The following TAS2R1 variants were observed in gnomAD, a reference collection of about 807,000 sequenced individuals.
TAS2R1 encodes taste 2 receptor member 1, also known as taste receptor type 2 member 1.
For synonymous variants in TAS2R1, 141 were observed against 134.2 expected, an observed-to-expected ratio of 1.05 and a Z score of -0.35; for missense variants, 370 against 353.4, an observed-to-expected ratio of 1.05 and a Z score of -0.38.
At chr5:9,758,560 C>G in the TAS2R1 span, among the ~76,000 whole-genome samples, 1 of 152,170 alleles carries the variant, frequency 6.6e-6, no homozygotes, top group Non-Finnish European at 1.5e-5. Flanking sequence ...CCATTATTGT[C>G]CACCTATAGA....
At chr5:9,840,882 T>A in the TAS2R1 span, among the ~76,000 whole-genome samples, 16,891 of 86,792 alleles carry the variant, frequency 0.19, 1,564 homozygotes, top group East Asian at 0.42. Flanking sequence ...TTTTTTTTTT[T>A]TTTTTTTTTT....
the TAS2R1 span, among the ~76,000 whole-genome samples, chr5:9,843,980 TTCC>T: frequency 3.3e-5 from 5 of 152,228 alleles, no homozygotes; most frequent in Admixed American, 3.3e-4. Context: ...CCATGTGAAC[TTCC>T]TCAACATGCC....
chr5:9,819,311 C>T, the TAS2R1 span, among the ~76,000 whole-genome samples: 15 of 152,186 alleles, frequency 9.9e-5, no homozygotes, highest in African/African-American at 3.6e-4. Flanking sequence ...AGAGATGAGA[C>T]AATCTCTCAG....
intron 1 of TAS2R1, among the ~76,000 whole-genome samples, chr5:9,703,245 C>T (rs1208930044): frequency 6.6e-6 from 1 of 152,120 alleles, no homozygotes; most frequent in Non-Finnish European, 1.5e-5. Context: ...CATGGCTTGT[C>T]ACTGTCAGGA....
rs1433623937 is a variant in TAS2R1 at position 9,683,024 on chromosome 5, C to A, written c.-241-23443G>T. On this transcript the variant is annotated intron_variant, in intron 1 of 2. Transcript: ENST00000506620. ...GAGGGAGCCAGGGACGTAAAAAGAT[C>A]CTTTAATGTAGTCTAATACAAAATA... 2.0e-5 allele frequency among the ~76,000 whole-genome samples: 3 copies of A among 152,114 alleles called. No individual in the cohort carries two copies. The South Asian group carries it at 6.2e-4, about 32-fold the overall frequency.
the TAS2R1 span, among the ~76,000 whole-genome samples, chr5:9,719,882 C>A: frequency 2.8e-5 from 4 of 141,220 alleles, no homozygotes; most frequent in Non-Finnish European, 4.5e-5. Context: ...CGCACCACTG[C>A]ACTCCAGCCT....
the TAS2R1 span, among the ~76,000 whole-genome samples, chr5:9,867,391 G>T: frequency 6.6e-6 from 1 of 152,268 alleles, no homozygotes; most frequent in African/African-American, 2.4e-5. Flanking sequence ...TCACAATCAT[G>T]GTGGAAGGCA....
At chr5:9,643,184 T>G (rs566033825) in intron 2 of TAS2R1, among the ~76,000 whole-genome samples, 18 of 152,138 alleles carry the variant, frequency 1.2e-4, no homozygotes, top group Non-Finnish European at 2.5e-4. Flanking sequence ...AAGAAAGTAA[T>G]CGATAGACAA....
At chr5:9,804,095 T>C in the TAS2R1 span, among the ~76,000 whole-genome samples, 2 of 152,054 alleles carry the variant, frequency 1.3e-5, no homozygotes, top group Non-Finnish European at 2.9e-5. Flanking sequence ...TAACTATTCT[T>C]ATATCAGATA....
upstream of TAS2R1, among the ~76,000 whole-genome samples, chr5:9,634,681 C>T (rs1262723947): frequency 6.6e-6 from 1 of 151,932 alleles, no homozygotes; most frequent in Non-Finnish European, 1.5e-5. Flanking sequence ...TAGGTATATT[C>T]CTAAGTATTT....
chr5:9,898,425 G>A, the TAS2R1 span, among the ~76,000 whole-genome samples: 4 of 152,262 alleles, frequency 2.6e-5, no homozygotes, highest in African/African-American at 2.4e-5. Context: ...CCGTGTGTAC[G>A]TGGTTTTGAG....
the TAS2R1 span, among the ~76,000 whole-genome samples, chr5:9,725,342 G>A: frequency 5.3e-5 from 8 of 152,354 alleles, no homozygotes; most frequent in East Asian, 3.9e-4. Context: ...GGCTGCGCGC[G>A]GAGCTTGTGG....
chr5:9,776,142 T>C, the TAS2R1 span, among the ~76,000 whole-genome samples: 2 of 152,200 alleles, frequency 1.3e-5, no homozygotes, highest in Admixed American at 6.5e-5. Context: ...GTGATTCCCC[T>C]CTGGCTAGGG....
the TAS2R1 span, among the ~76,000 whole-genome samples, chr5:9,899,454 T>G: frequency 2.6e-5 from 4 of 152,042 alleles, no homozygotes. Context: ...CTAACCAATA[T>G]GGTGAAACCC....
intron 1 of TAS2R1, among the ~76,000 whole-genome samples, chr5:9,699,693 A>G (rs1326775788): frequency 6.6e-6 from 1 of 152,122 alleles, no homozygotes; most frequent in African/African-American, 2.4e-5. Flanking sequence ...CGTGATAGGA[A>G]CCTGATGAGT....
chr5:9,783,302 G>C, the TAS2R1 span, among the ~76,000 whole-genome samples: 2 of 152,180 alleles, frequency 1.3e-5, no homozygotes, highest in Non-Finnish European at 2.9e-5. Flanking sequence ...TAGCTATTAA[G>C]AAAGGCAGTA....
chr5:9,826,608 A>T, the TAS2R1 span, among the ~76,000 whole-genome samples: 1 of 152,232 alleles, frequency 6.6e-6, no homozygotes. Flanking sequence ...GGTTAGGGCT[A>T]ACCTATATCG....
At chr5:9,857,566 C>T in the TAS2R1 span, among the ~76,000 whole-genome samples, 3 of 151,934 alleles carry the variant, frequency 2.0e-5, no homozygotes, top group African/African-American at 7.3e-5. Context: ...CACATATACC[C>T]GAGCTTAAAA....
the TAS2R1 span, among the ~76,000 whole-genome samples, chr5:9,901,495 A>G: frequency 3.3e-3 from 505 of 152,190 alleles, 7 homozygotes; most frequent in African/African-American, 0.012. Flanking sequence ...AAAAATATTG[A>G]AAGAATTGTA....
Sources: gnomAD v4.1 joint callset for allele counts (sites outside exome capture counted in the v4.1 genomes callset) on GRCh38, gnomAD v4.1.1 for gene constraint, MANE v1.5 for transcripts, NCBI Gene and HGNC (gene_info 2026-07-23, HGNC 2026-07-21) for gene names.